Variants in ARHGAP44 observed in about 807,000 individuals in gnomAD.
ARHGAP44 encodes the protein Rho GTPase activating protein 44, also known as rho GTPase-activating protein 44.
A neutral mutation model predicts 106.8 loss-of-function variants in ARHGAP44; 43 were observed. That is an observed-to-expected ratio of 0.40 (90% CI 0.32 to 0.52). The LOEUF (loss-of-function observed/expected upper bound fraction) is 0.52, where lower values mean the gene tolerates loss of function less well. Among genes scored for constraint, ARHGAP44 ranks in the 20% least tolerant of loss-of-function variants. The probability of loss-of-function intolerance (pLI) is 0.48; values close to 1 mark genes in which losing one functional copy is unlikely to be tolerated. For synonymous variants in ARHGAP44, 439 were observed against 410.3 expected, an observed-to-expected ratio of 1.07 and a Z score of -0.85; for missense variants, 866 against 1,050.5, an observed-to-expected ratio of 0.82 and a Z score of 2.43.
At chr17:12,899,074 G>A (rs185765855) in intron 3 of ARHGAP44, among the ~76,000 whole-genome samples, 1 of 152,208 alleles carries the variant, frequency 6.6e-6, no homozygotes, top group African/African-American at 2.4e-5. Context: ...AGGTTCAAGT[G>A]ATTCTCCCAC....
At chr17:12,970,781 C>A (rs2039510397) in intron 16 of ARHGAP44, among the ~76,000 whole-genome samples, 1 of 152,232 alleles carries the variant, frequency 6.6e-6, no homozygotes, top group African/African-American at 2.4e-5. Context: ...AGCTTGTGAA[C>A]TGCTGATATA....
chr17:12,973,504 C>A (rs1178828989), intron 17 of ARHGAP44, 185 bp downstream of exon 17: 4 of 643,462 alleles, frequency 6.2e-6, no homozygotes, highest in Admixed American at 5.6e-5. Flanking sequence ...CACAAGCAGC[C>A]CCTTCCCTGC....
intron 1 of ARHGAP44, among the ~76,000 whole-genome samples, chr17:12,860,336 T>C (rs918557201): frequency 1.3e-5 from 2 of 152,248 alleles, no homozygotes; most frequent in African/African-American, 4.8e-5. Context: ...ATTTGCGATA[T>C]ACCCTCTTGT....
At chr17:12,950,258 TAG>T (rs1475439784) in intron 12 of ARHGAP44, among the ~76,000 whole-genome samples, 2 of 152,200 alleles carry the variant, frequency 1.3e-5, no homozygotes, top group Admixed American at 1.3e-4. Context: ...TGAGTGGGCA[TAG>T]AGTCTTTACC....
intron 16 of ARHGAP44, among the ~76,000 whole-genome samples, chr17:12,964,080 A>C (rs865841175): frequency 6.6e-6 from 1 of 152,214 alleles, no homozygotes; most frequent in African/African-American, 2.4e-5. Flanking sequence ...AATAAATCAC[A>C]CTATTGTTTT....
intron 6 of ARHGAP44, 74 bp downstream of exon 6, chr17:12,919,905 T>C: frequency 7.9e-7 from 1 of 1,271,026 alleles, no homozygotes; most frequent in Non-Finnish European, 1.1e-6. Context: ...GGGTTTTAAG[T>C]AGGCAATTGT....
At chr17:12,867,604 CT>C (rs1791624879) in intron 1 of ARHGAP44, among the ~76,000 whole-genome samples, 1 of 152,166 alleles carries the variant, frequency 6.6e-6, no homozygotes, top group Non-Finnish European at 1.5e-5. Context: ...ACAGGTTTGT[CT>C]TTAAGGACAG....
At chr17:12,915,819 G>GC in intron 4 of ARHGAP44, 81 bp from the exon 5 acceptor site, 1 of 1,229,324 alleles carries the variant, frequency 8.1e-7, no homozygotes, top group African/African-American at 1.5e-5. Flanking sequence ...TTACAAGTGA[G>GC]CCAGGAGGTG....
intron 1 of ARHGAP44, among the ~76,000 whole-genome samples, chr17:12,851,979 T>C (rs898130771): frequency 2.0e-5 from 3 of 151,496 alleles, no homozygotes; most frequent in Admixed American, 6.6e-5. Flanking sequence ...CCTTGTGCTG[T>C]CTTTATTTCG....
At chr17:12,925,585 C>T (rs1326467223) in intron 6 of ARHGAP44, among the ~76,000 whole-genome samples, 1 of 152,046 alleles carries the variant, frequency 6.6e-6, no homozygotes, top group East Asian at 1.9e-4. Flanking sequence ...ACCCTTATTC[C>T]TCTCCCTTCT....
At chr17:12,840,294 C>CA (rs1237281710) in intron 1 of ARHGAP44, among the ~76,000 whole-genome samples, 1 of 152,138 alleles carries the variant, frequency 6.6e-6, no homozygotes, top group Non-Finnish European at 1.5e-5. Context: ...TTATTGAGGT[C>CA]AAAACATCCT....
intron 1 of ARHGAP44, among the ~76,000 whole-genome samples, chr17:12,826,566 C>T (rs917946591): frequency 2.6e-5 from 4 of 152,180 alleles, no homozygotes; most frequent in African/African-American, 9.6e-5. Flanking sequence ...TTTTATTGGC[C>T]ATTTTGGCGA....
At chr17:12,845,775 T>A (rs1416055785) in intron 1 of ARHGAP44, among the ~76,000 whole-genome samples, 1 of 152,206 alleles carries the variant, frequency 6.6e-6, no homozygotes, top group Non-Finnish European at 1.5e-5. Flanking sequence ...AATGTAACTG[T>A]ACTAACAACT....
At chr17:12,896,719 C>T (rs1225658553) in intron 3 of ARHGAP44, among the ~76,000 whole-genome samples, 1 of 152,224 alleles carries the variant, frequency 6.6e-6, no homozygotes, top group African/African-American at 2.4e-5. Context: ...TGAAGCATCC[C>T]CCGCCCTCCA....
intron 18 of ARHGAP44, among the ~76,000 whole-genome samples, chr17:12,978,967 C>T (rs900018034): frequency 2.6e-5 from 4 of 152,138 alleles, no homozygotes; most frequent in African/African-American, 9.7e-5. Flanking sequence ...GGATTACAGG[C>T]ATGAGCCACC....
At position 12,944,206 on chromosome 17, in the gene ARHGAP44, A is replaced by G. The variant is rs776583725; in HGVS notation, c.861+10A>G. The G allele has an allele frequency of 7.5e-6, 12 of 1,597,016 alleles. No homozygotes were observed. On this transcript the variant is annotated intron_variant, in intron 10 of 20. Transcript: ENST00000379672. ...TGGGATGCAGGAGGAGGTAGGTCTG[A>G]GCACAGCCACACGCCGCCCCGGGCA...
intron 10 of ARHGAP44, among the ~76,000 whole-genome samples, chr17:12,947,584 G>A (rs1015155537): frequency 2.0e-5 from 3 of 152,092 alleles, no homozygotes; most frequent in Non-Finnish European, 4.4e-5. Context: ...TAACACCCCC[G>A]AAACAGGACT....
intron 1 of ARHGAP44, among the ~76,000 whole-genome samples, chr17:12,802,669 C>G (rs1416816250): frequency 6.6e-6 from 1 of 151,710 alleles, no homozygotes; most frequent in Non-Finnish European, 1.5e-5. Context: ...ACATCAAAGA[C>G]CCCACCTTGA....
chr17:12,984,863 G>A lies in ARHGAP44; in HGVS notation c.2272G>A (p.Ala758Thr), dbSNP rs752327084. ...GGCCTCTAGTCCACAGTCCACGGAG[G>A]CCCCCATGCTAGATGGCATGTCCCC... ...LSASSPQSTE[A>T]PMLDGMSPGE... Residue 758 changes from alanine to threonine, a missense_variant, in exon 20 of 21, where the codon GCC (alanine) becomes ACC (threonine). This residue lies in a region of ARHGAP44 where 418 missense variants were observed against 403.6 expected (regional missense o/e 1.04). Transcript: ENST00000379672. The A allele has an allele frequency of 6.2e-7, 1 of 1,613,878 alleles. No individual in the cohort carries two copies. The highest frequency in any genetic ancestry group is 8.5e-7 in the Non-Finnish European group (1 of 1,179,822).
Sources: allele counts gnomAD v4.1 joint callset (sites outside exome capture counted in the v4.1 genomes callset), GRCh38; gene constraint gnomAD v4.1.1; regional missense constraint gnomAD v4.1.1; transcripts MANE v1.5; gene names NCBI Gene and HGNC (gene_info 2026-07-23, HGNC 2026-07-21).